DTNB: variants seen among roughly 807,000 people sequenced by gnomAD.
DTNB encodes dystrobrevin beta.
In DTNB, 63 loss-of-function variants were observed where a neutral mutation model predicts 90.7. The ratio of observed to expected loss-of-function variants is 0.69; its 90% CI spans 0.57 to 0.86. DTNB has a LOEUF of 0.86. Ranked by LOEUF, DTNB falls within the 40% of genes least tolerant of loss-of-function variation. The pLI is 0.00. For synonymous variants in DTNB, 277 were observed against 286.7 expected (o/e 0.97, Z 0.34); for missense variants, 744 against 807.1 (o/e 0.92, Z 0.95).
chr2:25,381,067 G>C (rs2037564687), intron 19 of DTNB, among the ~76,000 whole-genome samples: 1 of 152,238 alleles, frequency 6.6e-6, no homozygotes, highest in South Asian at 2.1e-4. Flanking sequence ...AAAGGACTGA[G>C]GAGAGGCCAT....
intron 12 of DTNB, among the ~76,000 whole-genome samples, chr2:25,443,872 A>G (rs2057966722): frequency 6.6e-6 from 1 of 152,200 alleles, no homozygotes; most frequent in Non-Finnish European, 1.5e-5. Context: ...GAGCCATTAC[A>G]TGTGTGCGAA....
intron 16 of DTNB, among the ~76,000 whole-genome samples, chr2:25,403,313 G>A (rs1005584568): frequency 3.7e-4 from 56 of 152,050 alleles, no homozygotes; most frequent in African/African-American, 1.3e-3. Flanking sequence ...ATGGGGTTCC[G>A]CCATGTTGGC....
intron 7 of DTNB, among the ~76,000 whole-genome samples, chr2:25,578,054 T>C (rs1025169075): frequency 6.6e-6 from 1 of 152,142 alleles, no homozygotes; most frequent in African/African-American, 2.4e-5. Context: ...CAAATCTTCA[T>C]TGAACAACTC....
intron 12 of DTNB, among the ~76,000 whole-genome samples, chr2:25,441,686 TAAAC>T (rs1251226605): frequency 6.6e-6 from 1 of 152,182 alleles, no homozygotes; most frequent in Non-Finnish European, 1.5e-5. Flanking sequence ...TCTGAAGTAA[TAAAC>T]AAAACACTTA....
chr2:25,583,263 ATAT>A (rs1163893344), intron 6 of DTNB, among the ~76,000 whole-genome samples: 2,555 of 122,438 alleles, frequency 0.021, 67 homozygotes, highest in African/African-American at 0.073. Context: ...AAAAAAAAAA[ATAT>A]ATATATATAT....
intron 1 of DTNB, among the ~76,000 whole-genome samples, chr2:25,660,908 C>A (rs1422651180): frequency 6.6e-6 from 1 of 152,150 alleles, no homozygotes; most frequent in Non-Finnish European, 1.5e-5. Flanking sequence ...AAGTACATTC[C>A]TGTCAGTGAT....
At chr2:25,542,984 A>G (rs1047234619) in intron 8 of DTNB, among the ~76,000 whole-genome samples, 1 of 152,156 alleles carries the variant, frequency 6.6e-6, no homozygotes, top group Non-Finnish European at 1.5e-5. Context: ...GTATTTCTCA[A>G]TCTCACTGTG....
chr2:25,461,974 C>T (rs146018669), intron 10 of DTNB, among the ~76,000 whole-genome samples: 3 of 152,266 alleles, frequency 2.0e-5, no homozygotes, highest in African/African-American at 7.2e-5. Flanking sequence ...CAAGGCATCC[C>T]CTAGCTCTAA....
In DTNB at chr2:25,503,466, CAA is replaced by C. The variant is rs1176008987; in HGVS notation, c.1002-20595_1002-20594del. Among the ~76,000 whole-genome samples, 4 of 152,046 alleles carry C rather than the reference CAA, an allele frequency of 2.6e-5. No homozygotes were observed. The East Asian group carries it at 7.7e-4, about 29-fold the overall frequency. ...TATGATTGTGTCACTGCACTCCAGCCAAAGTGACAGAGCAAGACCCTGTCTCT... is the reference window on the plus strand; with the variant it reads ...TATGATTGTGTCACTGCACTCCAGCCAGTGACAGAGCAAGACCCTGTCTCT... On this transcript the variant is annotated intron_variant, in intron 9 of 20. Coordinates refer to ENST00000406818, the MANE Select transcript of DTNB (RefSeq NM_021907.5).
At chr2:25,533,396 C>T (rs1178264514) in intron 8 of DTNB, among the ~76,000 whole-genome samples, 4 of 152,118 alleles carry the variant, frequency 2.6e-5, no homozygotes, top group East Asian at 1.9e-4. Flanking sequence ...GTATATAAAA[C>T]GAAACATAGA....
At chr2:25,664,286 C>G (rs1428663394) in intron 1 of DTNB, among the ~76,000 whole-genome samples, 2 of 152,172 alleles carry the variant, frequency 1.3e-5, no homozygotes, top group Non-Finnish European at 2.9e-5. Context: ...TGGCTGTTCA[C>G]GTGTATTTGT....
intron 8 of DTNB, among the ~76,000 whole-genome samples, chr2:25,576,252 G>T (rs2060653197): frequency 7.5e-6 from 1 of 133,258 alleles, no homozygotes; most frequent in African/African-American, 2.8e-5. Flanking sequence ...TTGAGACAGA[G>T]TCTTACTCTG....
intron 6 of DTNB, among the ~76,000 whole-genome samples, chr2:25,585,414 T>C (rs1474626108): frequency 1.3e-5 from 2 of 152,212 alleles, no homozygotes; most frequent in Non-Finnish European, 2.9e-5. Flanking sequence ...TGCAGTCTCA[T>C]ATTTTTTCTT....
intron 6 of DTNB, among the ~76,000 whole-genome samples, chr2:25,583,940 T>C (rs1199546591): frequency 6.6e-6 from 1 of 152,092 alleles, no homozygotes; most frequent in Non-Finnish European, 1.5e-5. Context: ...TCACACCATA[T>C]ATGACGTTTT....
intron 16 of DTNB, among the ~76,000 whole-genome samples, chr2:25,388,930 T>C (rs1163646529): frequency 6.6e-6 from 1 of 152,030 alleles, no homozygotes; most frequent in South Asian, 2.1e-4. Context: ...CACTGTAACC[T>C]CCGCCTCCCA....
At chr2:25,492,412 A>C (rs189020466) in intron 9 of DTNB, among the ~76,000 whole-genome samples, 36 of 152,368 alleles carry the variant, frequency 2.4e-4, no homozygotes, top group African/African-American at 8.7e-4. Context: ...CAATGGGCTT[A>C]AAATCAACAC....
chr2:25,414,732 TATC>T (rs2047460207), intron 16 of DTNB, among the ~76,000 whole-genome samples: 1 of 152,224 alleles, frequency 6.6e-6, no homozygotes, highest in African/African-American at 2.4e-5. Context: ...TAATATTGGT[TATC>T]ATTCAGCAAA....
chr2:25,558,608 C>T (rs949485108), intron 8 of DTNB, among the ~76,000 whole-genome samples: 1 of 152,194 alleles, frequency 6.6e-6, no homozygotes, highest in Non-Finnish European at 1.5e-5. Context: ...ATAAACTACA[C>T]ACCAATTCTT....
chr2:25,396,453 G>A (rs147091183), intron 16 of DTNB, among the ~76,000 whole-genome samples: 2,744 of 151,926 alleles, frequency 0.018, 41 homozygotes, highest in South Asian at 0.064. Flanking sequence ...GGAGGGTGCA[G>A]TGAACTGAGA....
Sources: gnomAD v4.1 joint callset for allele counts (sites outside exome capture counted in the v4.1 genomes callset) on GRCh38, gnomAD v4.1.1 for gene constraint, MANE v1.5 for transcripts, NCBI Gene and HGNC (gene_info 2026-07-23, HGNC 2026-07-21) for gene names.